ANAPC4: variants seen among roughly 807,000 people sequenced by gnomAD.
ANAPC4 encodes the protein anaphase promoting complex subunit 4.
ANAPC4 carries 63 observed loss-of-function variants against 119.8 expected under a neutral mutation model. The observed-to-expected ratio is 0.53, with a 90% CI of 0.43 to 0.65. The LOEUF (loss-of-function observed/expected upper bound fraction) is 0.65. Among genes scored for constraint, ANAPC4 ranks in the 30% least tolerant of loss-of-function variants. The probability of loss-of-function intolerance (pLI) is 0.00; values close to 1 mark genes in which losing one functional copy is unlikely to be tolerated. For missense variants in ANAPC4, 716 were observed against 945.1 expected (o/e 0.76, Z 3.18); for synonymous variants, 283 against 318.6 (o/e 0.89, Z 1.19).
At chr4:25,399,068 A>G (rs1722810450) in intron 16 of ANAPC4, among the ~76,000 whole-genome samples, 1 of 151,732 alleles carries the variant, frequency 6.6e-6, no homozygotes, top group Non-Finnish European at 1.5e-5. Flanking sequence ...TACTTGATTC[A>G]TCATTTAAAA....
At chr4:25,385,843 C>G (rs1722000316) in intron 4 of ANAPC4, among the ~76,000 whole-genome samples, 1 of 152,146 alleles carries the variant, frequency 6.6e-6, no homozygotes, top group African/African-American at 2.4e-5. Flanking sequence ...ATAGGGAGGC[C>G]TGTGCAAAGG....
chr4:25,405,647 T>C lies in ANAPC4; in HGVS notation c.1317+28T>C. ...AGTATGTACTAGTGCATTTTCACAG[T>C]GTTCACATTGTCCTGCTTGAACTCA... On this transcript the variant is annotated intron_variant, in intron 18 of 28. Coordinates refer to ENST00000315368, the MANE Select transcript of ANAPC4 (RefSeq NM_013367.3). The surrounding 1 kb of genome is among the most constrained non-coding windows in gnomAD (Gnocchi z 4.6). 2 of 1,609,652 alleles carry C rather than the reference T, an allele frequency of 1.2e-6. No individual in the cohort carries two copies. The highest frequency in any genetic ancestry group is 8.5e-7 in the Non-Finnish European group (1 of 1,176,312).
chr4:25,413,171 T>C (rs2109144742), intron 21 of ANAPC4: 1 of 152,492 alleles, frequency 6.6e-6, no homozygotes, highest in East Asian at 1.9e-4. Flanking sequence ...GTGTTAGTGC[T>C]AAATTATATA....
chr4:25,396,939 A>G (rs1210512432), intron 16 of ANAPC4, 40 bp downstream of exon 16: 3 of 1,561,318 alleles, frequency 1.9e-6, no homozygotes, highest in South Asian at 1.2e-5. Context: ...ACCTAAGAAT[A>G]TGTCACTTTT....
intron 21 of ANAPC4, 128 bp from the exon 22 acceptor site, chr4:25,413,517 A>T: frequency 1.6e-6 from 1 of 609,950 alleles, no homozygotes; most frequent in Non-Finnish European, 2.8e-6. Context: ...AAATCCAATG[A>T]AGTGGTCAGT....
chr4:25,396,249 G>C (rs1722644130), intron 14 of ANAPC4, among the ~76,000 whole-genome samples: 1 of 152,170 alleles, frequency 6.6e-6, no homozygotes, highest in African/African-American at 2.4e-5. Context: ...TGTCTTCCCT[G>C]TTATACTGTC....
chr4:25,394,619 A>G, intron 12 of ANAPC4, 52 bp from the exon 13 acceptor site: 5 of 1,527,888 alleles, frequency 3.3e-6, no homozygotes, highest in Non-Finnish European at 4.4e-6. Context: ...TAAGTGATGC[A>G]TTCAGATTTC....
chr4:25,396,166 T>G (rs1722638457), intron 14 of ANAPC4, among the ~76,000 whole-genome samples: 1 of 152,224 alleles, frequency 6.6e-6, no homozygotes, highest in Admixed American at 6.5e-5. Flanking sequence ...CTGTTATACC[T>G]GCACCCCATG....
chr4:25,409,624 C>T (rs920266508), intron 20 of ANAPC4, 74 bp from the exon 21 acceptor site: 121 of 1,168,924 alleles, frequency 1.0e-4, no homozygotes, highest in Non-Finnish European at 1.4e-4. Flanking sequence ...TTTTTTTTGT[C>T]TTTTACTTTT....
intron 21 of ANAPC4, among the ~76,000 whole-genome samples, chr4:25,411,716 A>T (rs1364333565): frequency 2.6e-5 from 4 of 152,204 alleles, no homozygotes; most frequent in Non-Finnish European, 4.4e-5. Context: ...ACTGGTGTGG[A>T]GATTAAATAA....
chr4:25,409,564 T>TA, intron 20 of ANAPC4, 134 bp from the exon 21 acceptor site: 1 of 611,622 alleles, frequency 1.6e-6, no homozygotes, highest in Non-Finnish European at 2.8e-6. Context: ...AAAAAAGTGT[T>TA]AAAAATAAAC....
chr4:25,397,743 GT>G (rs34051733), intron 16 of ANAPC4, among the ~76,000 whole-genome samples: 58,700 of 139,376 alleles, frequency 0.42, 13,519 homozygotes, highest in Non-Finnish European at 0.54. Flanking sequence ...GCCCTTTATA[GT>G]TTTTTTTTTT....
chr4:25,399,049 G>GT (rs1560439623), intron 16 of ANAPC4, among the ~76,000 whole-genome samples: 1 of 151,542 alleles, frequency 6.6e-6, no homozygotes, highest in East Asian at 1.9e-4. Context: ...AACTCTGCTA[G>GT]TACTCCTTTA....
Position 25,414,308 on chromosome 4 carries a change from A to G in ANAPC4, c.1624-16A>G. 6.7e-7 allele frequency: 1 copy of G among 1,485,604 alleles called. No homozygotes were observed. The highest frequency in any genetic ancestry group is 9.2e-7 in the Non-Finnish European group (1 of 1,081,216). The allele number at this position is 1,485,604 out of a possible 1,614,324, so 92.0% of individuals were successfully genotyped here. ...ATTAACGCTCTAATTATATTTTAAA[A>G]TCTTATTTTATATAGGATGTAATTG... On this transcript the variant is annotated splice_polypyrimidine_tract_variant and intron_variant, in intron 22 of 28. Coordinates refer to ENST00000315368, the MANE Select transcript of ANAPC4 (RefSeq NM_013367.3).
chr4:25,407,986 T>C (rs973405124), intron 20 of ANAPC4, among the ~76,000 whole-genome samples: 28 of 152,358 alleles, frequency 1.8e-4, no homozygotes, highest in African/African-American at 4.8e-4. Flanking sequence ...AATTTTACAA[T>C]ATAATTTAGT....
chr4:25,378,549 A>G (rs972482838), intron 2 of ANAPC4, among the ~76,000 whole-genome samples: 1 of 152,252 alleles, frequency 6.6e-6, no homozygotes, highest in East Asian at 1.9e-4. Flanking sequence ...GGGAAGGTAG[A>G]CGGGAGGCAC....
At chr4:25,377,657 C>A in intron 2 of ANAPC4, 101 bp downstream of exon 2, 1 of 1,473,656 alleles carries the variant, frequency 6.8e-7, no homozygotes, top group Non-Finnish European at 9.0e-7. Context: ...GCGGCCGGAG[C>A]CTCAGTTTCC....
chr4:25,388,950 C>T (rs1722187734), intron 7 of ANAPC4, 68 bp downstream of exon 7: 4 of 1,291,750 alleles, frequency 3.1e-6, no homozygotes. Context: ...TTTTCAGAAG[C>T]TTTAAGAGCA....
chr4:25,389,139 C>T (rs561867103), intron 7 of ANAPC4, among the ~76,000 whole-genome samples: 16 of 150,784 alleles, frequency 1.1e-4, no homozygotes, highest in East Asian at 5.8e-4. Context: ...ACTACAGGCA[C>T]GCGCCACCAC....
Sources: gnomAD v4.1 joint callset for allele counts (sites outside exome capture counted in the v4.1 genomes callset) on GRCh38, gnomAD v4.1.1 for gene constraint, Gnocchi (gnomAD v3.1) non-coding constraint, MANE v1.5 for transcripts, NCBI Gene and HGNC (gene_info 2026-07-23, HGNC 2026-07-21) for gene names.